The following CNTNAP2 variants were observed in gnomAD, a reference collection of about 807,000 sequenced individuals.
CNTNAP2 encodes contactin associated protein 2.
In CNTNAP2, 98 loss-of-function variants were observed where a neutral mutation model predicts 155.2. The ratio of observed to expected loss-of-function variants is 0.63; its 90% CI spans 0.54 to 0.75. CNTNAP2 has a LOEUF of 0.75. Among genes scored for constraint, CNTNAP2 ranks in the 30% least tolerant of loss-of-function variants. The pLI, the probability that CNTNAP2 is intolerant of heterozygous loss-of-function variation, is 0.00. For missense variants in CNTNAP2, 1,727 were observed against 1,688.1 expected (o/e 1.02, Z -0.40); for synonymous variants, 651 against 631.2 (o/e 1.03, Z -0.47).
chr7:147,887,115 A>G (rs73743370), intron 13 of CNTNAP2, among the ~76,000 whole-genome samples: 1,545 of 152,280 alleles, frequency 0.01, 39 homozygotes, highest in African/African-American at 0.034. Flanking sequence ...CTACAGTAAC[A>G]GACTTCGACT....
intron 21 of CNTNAP2, among the ~76,000 whole-genome samples, chr7:148,361,563 T>C (rs774292609): frequency 2.0e-5 from 3 of 152,166 alleles, no homozygotes; most frequent in African/African-American, 7.2e-5. Context: ...TGTAGAAGCA[T>C]AATTTTACTC....
At chr7:148,357,639 G>C (rs898490137) in intron 21 of CNTNAP2, among the ~76,000 whole-genome samples, 1 of 151,988 alleles carries the variant, frequency 6.6e-6, no homozygotes, top group Non-Finnish European at 1.5e-5. Context: ...ATTTTGCCTC[G>C]GTCAGTGTTT....
At chr7:146,398,161 G>T (rs977886885) in intron 1 of CNTNAP2, among the ~76,000 whole-genome samples, 10 of 145,688 alleles carry the variant, frequency 6.9e-5, no homozygotes, top group Non-Finnish European at 1.0e-4. Context: ...CTATAGGTGT[G>T]AGCACCTATA....
chr7:147,440,309 T>G (rs2116546286), intron 10 of CNTNAP2, among the ~76,000 whole-genome samples: 1 of 152,218 alleles, frequency 6.6e-6, no homozygotes, highest in East Asian at 1.9e-4. Context: ...TGATAACAAC[T>G]TAACATCATT....
intron 20 of CNTNAP2, among the ~76,000 whole-genome samples, chr7:148,240,265 C>G (rs915571748): frequency 6.6e-6 from 1 of 152,114 alleles, no homozygotes; most frequent in African/African-American, 2.4e-5. Flanking sequence ...TTTTACAACT[C>G]AAGGAGTTTA....
intron 16 of CNTNAP2, among the ~76,000 whole-genome samples, chr7:148,129,004 C>T (rs1230521786): frequency 6.6e-6 from 1 of 152,152 alleles, no homozygotes; most frequent in Non-Finnish European, 1.5e-5. Context: ...TTTGAAGATA[C>T]AACTGCCTTC....
intron 15 of CNTNAP2, among the ~76,000 whole-genome samples, chr7:147,998,717 C>T (rs573648008): frequency 1.3e-5 from 2 of 152,074 alleles, no homozygotes; most frequent in East Asian, 3.9e-4. Flanking sequence ...TGCAAACATA[C>T]ACAGTAAGCA....
intron 8 of CNTNAP2, among the ~76,000 whole-genome samples, chr7:147,235,926 A>G (rs781753214): frequency 3.9e-5 from 6 of 152,190 alleles, no homozygotes; most frequent in Non-Finnish European, 7.3e-5. Context: ...TTAAATATGA[A>G]AGACCGTGAA....
intron 14 of CNTNAP2, among the ~76,000 whole-genome samples, chr7:147,954,856 G>A (rs1800992550): frequency 1.3e-5 from 2 of 152,278 alleles, no homozygotes; most frequent in East Asian, 3.9e-4. Flanking sequence ...GTATAAAAGT[G>A]TACAATAGTA....
chr7:147,663,315 A>G (rs78824461), intron 13 of CNTNAP2, among the ~76,000 whole-genome samples: 7,628 of 152,292 alleles, frequency 0.05, 633 homozygotes, highest in African/African-American at 0.17. Context: ...TGTTTTAAAG[A>G]TCCTTGCATG....
intron 1 of CNTNAP2, among the ~76,000 whole-genome samples, chr7:146,158,018 T>C (rs972141591): frequency 2.0e-5 from 3 of 152,122 alleles, no homozygotes; most frequent in Admixed American, 6.5e-5. Context: ...TACAGCCGGG[T>C]GCCCCTCTGA....
intron 1 of CNTNAP2, among the ~76,000 whole-genome samples, chr7:146,502,480 T>C (rs1176990602): frequency 6.6e-6 from 1 of 151,982 alleles, no homozygotes; most frequent in Non-Finnish European, 1.5e-5. Flanking sequence ...TTCCATACTG[T>C]CTCTATTAAT....
At chr7:146,328,593 A>T (rs1490267142) in intron 1 of CNTNAP2, among the ~76,000 whole-genome samples, 1 of 152,036 alleles carries the variant, frequency 6.6e-6, no homozygotes, top group African/African-American at 2.4e-5. Context: ...TGAAGTATAC[A>T]ATATATCATT....
At chr7:148,301,304 A>ATATATAT (rs533956682) in intron 21 of CNTNAP2, among the ~76,000 whole-genome samples, 6 of 30,266 alleles carry the variant, frequency 2.0e-4, no homozygotes, top group South Asian at 1.4e-3. Context: ...AAAAAAAAAA[A>ATATATAT]AAATATATAT....
intron 1 of CNTNAP2, among the ~76,000 whole-genome samples, chr7:146,174,782 G>T (rs1352968401): frequency 6.6e-6 from 1 of 152,234 alleles, no homozygotes; most frequent in Non-Finnish European, 1.5e-5. Context: ...GGCGGAGGTT[G>T]CAGTGAGCCG....
chr7:147,394,809 G>T (rs1438203922), intron 9 of CNTNAP2, among the ~76,000 whole-genome samples: 2 of 67,214 alleles, frequency 3.0e-5, no homozygotes, highest in African/African-American at 6.2e-5. Flanking sequence ...CAACAGTATT[G>T]TGTGTGTGTG....
chr7:148,241,322 A>C (rs1168459444), intron 20 of CNTNAP2, among the ~76,000 whole-genome samples: 1 of 152,186 alleles, frequency 6.6e-6, no homozygotes, highest in African/African-American at 2.4e-5. Context: ...AAAATAGCAG[A>C]TGTCAGGATC....
At position 146,553,273 on chromosome 7, in the gene CNTNAP2, A is replaced by G. The variant is rs574645441; in HGVS notation, c.98-220998A>G. ...TTTATGTCTATTCTTGAATCATAACATAGAAGAAGTCTATAGAAAACTCCA... is the reference window on the plus strand; with the variant it reads ...TTTATGTCTATTCTTGAATCATAACGTAGAAGAAGTCTATAGAAAACTCCA... On this transcript the variant is annotated intron_variant, in intron 1 of 23. Transcript: ENST00000361727. Among the ~76,000 whole-genome samples the G allele has an allele frequency of 5.3e-5, 8 of 152,204 alleles. No individual in the cohort carries two copies. The East Asian group carries it at 1.5e-3, about 29-fold the overall frequency.
At chr7:146,761,344 A>G (rs1387536517) in intron 1 of CNTNAP2, among the ~76,000 whole-genome samples, 1 of 151,928 alleles carries the variant, frequency 6.6e-6, no homozygotes, top group Admixed American at 6.6e-5. Flanking sequence ...GAAAATAGGA[A>G]AGTGTGTTCC....
Sources: allele counts gnomAD v4.1 joint callset (sites outside exome capture counted in the v4.1 genomes callset), GRCh38; gene constraint gnomAD v4.1.1; transcripts MANE v1.5; gene names NCBI Gene and HGNC (gene_info 2026-07-23, HGNC 2026-07-21).